Variants in RBM47 observed in about 807,000 individuals in gnomAD.
RBM47 encodes RNA binding motif protein 47.
RBM47 carries 21 observed loss-of-function variants against 47.1 expected under a neutral mutation model. The observed-to-expected ratio is 0.45, with a 90% CI of 0.32 to 0.64. RBM47 has a LOEUF of 0.64. Among genes scored for constraint, RBM47 ranks in the 30% least tolerant of loss-of-function variants. The probability of loss-of-function intolerance (pLI) is 0.05; values close to 1 mark genes in which losing one functional copy is unlikely to be tolerated. For missense variants in RBM47, 708 were observed against 870.9 expected (o/e 0.81, Z 2.35); for synonymous variants, 375 against 361.7 (o/e 1.04, Z -0.42).
chr4:40,526,083 C>A (rs777313249), intron 2 of RBM47, among the ~76,000 whole-genome samples: 3 of 152,164 alleles, frequency 2.0e-5, no homozygotes, highest in Non-Finnish European at 4.4e-5. Flanking sequence ...CACAGCTCTC[C>A]CCCTTCATGG....
intron 1 of RBM47, among the ~76,000 whole-genome samples, chr4:40,621,249 T>TATGGATCTAAACAAGGC (rs1737239404): frequency 6.6e-6 from 1 of 152,154 alleles, no homozygotes; most frequent in African/African-American, 2.4e-5. Context: ...TTCAGTGAAT[T>TATGGATCTAAACAAGGC]ATGGATCTAA....
At chr4:40,453,864 AAT>A (rs150184257) in intron 3 of RBM47, among the ~76,000 whole-genome samples, 3,559 of 148,696 alleles carry the variant, frequency 0.024, 138 homozygotes, top group African/African-American at 0.088. Flanking sequence ...AAAAGAAAGA[AAT>A]AATCTCTCCA....
intron 2 of RBM47, among the ~76,000 whole-genome samples, chr4:40,469,245 T>G (rs1718493281): frequency 6.6e-6 from 1 of 152,160 alleles, no homozygotes; most frequent in Non-Finnish European, 1.5e-5. Flanking sequence ...TATTAATATA[T>G]AAATGAAACA....
At chr4:40,604,311 G>A (rs1735548327) in intron 1 of RBM47, among the ~76,000 whole-genome samples, 1 of 152,170 alleles carries the variant, frequency 6.6e-6, no homozygotes, top group Non-Finnish European at 1.5e-5. Flanking sequence ...GAAAGACAGA[G>A]TAACAACATG....
chr4:40,477,092 A>T (rs757685649), intron 2 of RBM47, among the ~76,000 whole-genome samples: 22 of 152,188 alleles, frequency 1.4e-4, no homozygotes, highest in Middle Eastern at 3.4e-3. Context: ...CTGAGGCATG[A>T]GAATCGCTAG....
intron 2 of RBM47, among the ~76,000 whole-genome samples, chr4:40,469,590 T>C (rs983075411): frequency 1.1e-4 from 17 of 151,926 alleles, no homozygotes; most frequent in East Asian, 3.9e-4. Context: ...TGCGTCACCA[T>C]GCCTGGCTAA....
rs1213913858 is a variant in RBM47, at chr4:40,434,002, G to GGGTGTAT, written c.1331-1141_1331-1140insATACACC. 6.3e-4 allele frequency among the ~76,000 whole-genome samples: 29 copies of GGGTGTAT among 45,710 alleles called. 5 individuals carry two copies. The highest frequency in any genetic ancestry group is 2.0e-3 in the South Asian group (2 of 980). 30.0% of individuals were successfully genotyped at this position (45,710 alleles called of 152,430 possible). ...TGTGAGTGTGTGTGTGTGGGGCGGG[G>GGGTGTAT]GTGTGTGTGTGTGTGTGTGTGTGTG... On this transcript the variant is annotated intron_variant, in intron 5 of 6. Coordinates refer to ENST00000295971, the MANE Select transcript of RBM47 (RefSeq NM_001098634.2).
intron 1 of RBM47, among the ~76,000 whole-genome samples, chr4:40,623,604 G>C (rs1262387049): frequency 2.0e-5 from 3 of 152,108 alleles, no homozygotes; most frequent in African/African-American, 7.2e-5. Context: ...TTGAGCGCCT[G>C]TCATCCAGCG....
At chr4:40,603,735 GGGATGACA>G (rs1237627901) in intron 1 of RBM47, among the ~76,000 whole-genome samples, 2 of 152,080 alleles carry the variant, frequency 1.3e-5, no homozygotes, top group Non-Finnish European at 2.9e-5. Context: ...ACAAGTAGCT[GGGATGACA>G]GGAGCACACC....
intron 1 of RBM47, among the ~76,000 whole-genome samples, chr4:40,563,337 C>A (rs1730808197): frequency 6.6e-6 from 1 of 152,206 alleles, no homozygotes; most frequent in South Asian, 2.1e-4. Context: ...ACAATGAACA[C>A]TTTAATGCCA....
At chr4:40,528,922 G>T (rs914481763) in intron 2 of RBM47, among the ~76,000 whole-genome samples, 2 of 149,294 alleles carry the variant, frequency 1.3e-5, no homozygotes, top group Admixed American at 1.3e-4. Flanking sequence ...CAGCCTGGGC[G>T]ACAGAGCGAG....
intron 6 of RBM47, among the ~76,000 whole-genome samples, chr4:40,431,653 G>A (rs1193907135): frequency 2.0e-4 from 5 of 25,374 alleles, no homozygotes; most frequent in East Asian, 1.5e-3. Flanking sequence ...GCGAGACTCC[G>A]TCTAAAAAAA....
chr4:40,505,439 G>A (rs867014712), intron 2 of RBM47, among the ~76,000 whole-genome samples: 2 of 144,146 alleles, frequency 1.4e-5, no homozygotes, highest in African/African-American at 2.6e-5. Context: ...TTGTGCCATC[G>A]CACTCCAGCC....
intron 2 of RBM47, among the ~76,000 whole-genome samples, chr4:40,537,975 G>A (rs1212682114): frequency 9.0e-6 from 1 of 111,224 alleles, no homozygotes; most frequent in East Asian, 2.4e-4. Flanking sequence ...AAGTAGCTAG[G>A]ACTACAGGCG....
At chr4:40,439,087 TTTGTCTAAAATAGTCAAG>T (rs1713226958) in intron 3 of RBM47, among the ~76,000 whole-genome samples, 163 bp from the exon 4 acceptor site, 1 of 152,116 alleles carries the variant, frequency 6.6e-6, no homozygotes, top group Non-Finnish European at 1.5e-5. Context: ...CAGCCCTACA[TTTGTCTAAAATAGTCAAG>T]TTGTCTTGCA....
intron 2 of RBM47, among the ~76,000 whole-genome samples, chr4:40,521,061 A>AT (rs374297432): frequency 9.2e-5 from 14 of 152,290 alleles, no homozygotes; most frequent in African/African-American, 1.9e-4. Context: ...TAATTGTGGC[A>AT]TTTTTTTACC....
intron 2 of RBM47, among the ~76,000 whole-genome samples, chr4:40,495,891 T>C (rs140382247): frequency 6.6e-6 from 1 of 152,272 alleles, no homozygotes; most frequent in East Asian, 1.9e-4. Flanking sequence ...CTCACGTTCG[T>C]GGAGAGAACC....
At chr4:40,624,653 A>C (rs564244295) in intron 1 of RBM47, among the ~76,000 whole-genome samples, 58 of 152,274 alleles carry the variant, frequency 3.8e-4, no homozygotes, top group Non-Finnish European at 7.9e-4. Flanking sequence ...TGTTAATAAG[A>C]AGTTGCAGTG....
intron 2 of RBM47, among the ~76,000 whole-genome samples, chr4:40,506,348 T>C (rs753238356): frequency 7.2e-5 from 11 of 152,196 alleles, no homozygotes; most frequent in African/African-American, 1.4e-4. Context: ...GTTCCGTTCA[T>C]GTATGCAAAT....
Sources: allele counts gnomAD v4.1 joint callset (sites outside exome capture counted in the v4.1 genomes callset), GRCh38; gene constraint gnomAD v4.1.1; transcripts MANE v1.5; gene names NCBI Gene and HGNC (gene_info 2026-07-23, HGNC 2026-07-21).